CNTN5: variants seen among roughly 807,000 people sequenced by gnomAD.
CNTN5 encodes contactin-5.
A neutral mutation model predicts 129.1 loss-of-function variants in CNTN5; 77 were observed. That is an observed-to-expected ratio of 0.60 (90% CI 0.50 to 0.72). CNTN5 has a LOEUF of 0.72. Among genes scored for constraint, CNTN5 ranks in the 30% least tolerant of loss-of-function variants. CNTN5 has a pLI of 0.00. For missense variants in CNTN5, 1,478 were observed against 1,328.8 expected (o/e 1.11, Z -1.75); for synonymous variants, 509 against 465.6 (o/e 1.09, Z -1.20).
At chr11:100,237,909 A>C (rs549175050) in intron 16 of CNTN5, among the ~76,000 whole-genome samples, 1 of 152,274 alleles carries the variant, frequency 6.6e-6, no homozygotes, top group African/African-American at 2.4e-5. Context: ...AAACTTATGA[A>C]TCTGCTGGGG....
chr11:99,712,531 T>C (rs1293980125), intron 3 of CNTN5, among the ~76,000 whole-genome samples: 1 of 152,152 alleles, frequency 6.6e-6, no homozygotes, highest in East Asian at 1.9e-4. Flanking sequence ...GTTTTTGGTG[T>C]TTTAGTCATG....
chr11:99,275,197 T>TTA (rs534411257), intron 1 of CNTN5, among the ~76,000 whole-genome samples: 3 of 150,446 alleles, frequency 2.0e-5, no homozygotes, highest in African/African-American at 7.3e-5. Context: ...CATTGATATA[T>TTA]AAAAAAAAAC....
At chr11:99,166,066 C>T (rs1053500894) in intron 1 of CNTN5, among the ~76,000 whole-genome samples, 5 of 152,128 alleles carry the variant, frequency 3.3e-5, no homozygotes, top group African/African-American at 7.2e-5. Context: ...GAAAAATGAC[C>T]GCCTGAACTA....
intron 6 of CNTN5, among the ~76,000 whole-genome samples, chr11:99,852,601 C>T (rs778812920): frequency 2.0e-5 from 3 of 152,128 alleles, no homozygotes; most frequent in Non-Finnish European, 4.4e-5. Flanking sequence ...AATTCAAGTA[C>T]AACCAAACAG....
intron 2 of CNTN5, among the ~76,000 whole-genome samples, chr11:99,430,090 G>A (rs952658726): frequency 6.6e-6 from 1 of 152,074 alleles, no homozygotes; most frequent in Admixed American, 6.6e-5. Context: ...TCAAAAGAGG[G>A]GTGTGTGGCA....
intron 1 of CNTN5, among the ~76,000 whole-genome samples, chr11:99,068,745 C>T (rs114924606): frequency 1.2e-3 from 176 of 152,212 alleles, no homozygotes; most frequent in African/African-American, 3.9e-3. Flanking sequence ...GGCAGAGAAA[C>T]ATTAAAATTC....
At chr11:99,077,770 G>C (rs984003062) in intron 1 of CNTN5, among the ~76,000 whole-genome samples, 4 of 152,120 alleles carry the variant, frequency 2.6e-5, no homozygotes, top group African/African-American at 9.7e-5. Context: ...TGGTTTATAA[G>C]GGGCACTTCC....
At chr11:100,320,185 AG>A (rs1471290256) in intron 21 of CNTN5, among the ~76,000 whole-genome samples, 1 of 152,138 alleles carries the variant, frequency 6.6e-6, no homozygotes, top group Non-Finnish European at 1.5e-5. Context: ...ATGGAGTGCA[AG>A]GGTTCCCTTT....
At chr11:99,740,465 TAAGA>T (rs1257164527) in intron 3 of CNTN5, among the ~76,000 whole-genome samples, 4 of 151,222 alleles carry the variant, frequency 2.6e-5, no homozygotes, top group African/African-American at 9.9e-5. Context: ...GAAACTCAAG[TAAGA>T]AAGCAGGAAT....
At chr11:99,819,801 AAGG>A (rs1433298613) in intron 4 of CNTN5, 36 bp downstream of exon 4, 1 of 469,942 alleles carries the variant, frequency 2.1e-6, no homozygotes, top group African/African-American at 7.0e-5. Context: ...AGATAGAATA[AAGG>A]AGGCAAAGAA....
chr11:100,017,068 A>C (rs1452707088), intron 9 of CNTN5, among the ~76,000 whole-genome samples: 1 of 151,760 alleles, frequency 6.6e-6, no homozygotes, highest in Non-Finnish European at 1.5e-5. Context: ...TTTTATTCCC[A>C]CTTTTCTTTT....
intron 21 of CNTN5, chr11:100,337,145 C>T: frequency 4.2e-6 from 6 of 1,418,188 alleles, no homozygotes; most frequent in Non-Finnish European, 6.0e-6. Flanking sequence ...GATGACATGA[C>T]AGCTGCACCC....
chr11:99,967,485 G>A (rs1034413212), intron 8 of CNTN5, among the ~76,000 whole-genome samples: 2 of 152,130 alleles, frequency 1.3e-5, no homozygotes, highest in Non-Finnish European at 2.9e-5. Flanking sequence ...CACAGATTCT[G>A]TCTGTAACCG....
At chr11:99,404,000 G>T (rs142728147) in intron 2 of CNTN5, among the ~76,000 whole-genome samples, 1 of 152,130 alleles carries the variant, frequency 6.6e-6, no homozygotes, top group East Asian at 1.9e-4. Flanking sequence ...TCTGTATTTA[G>T]CTCTAAAAAT....
chr11:100,312,224 A>T (rs1445060500), intron 21 of CNTN5, among the ~76,000 whole-genome samples: 1 of 152,096 alleles, frequency 6.6e-6, no homozygotes, highest in Non-Finnish European at 1.5e-5. Flanking sequence ...GCTAAACATG[A>T]CATTAACTGT....
At chr11:99,940,578 C>T (rs1197754484) in intron 7 of CNTN5, among the ~76,000 whole-genome samples, 2 of 152,128 alleles carry the variant, frequency 1.3e-5, no homozygotes, top group African/African-American at 4.8e-5. Flanking sequence ...TCCCCTTAGT[C>T]ACCTTCTACA....
intron 1 of CNTN5, among the ~76,000 whole-genome samples, chr11:99,047,747 C>T (rs964431359): frequency 1.2e-4 from 19 of 152,032 alleles, no homozygotes; most frequent in African/African-American, 2.4e-4. Flanking sequence ...AATGATAGCA[C>T]GGACTGACAT....
At chr11:99,537,364 A>C (rs10893480) in intron 2 of CNTN5, among the ~76,000 whole-genome samples, 37,786 of 152,090 alleles carry the variant, frequency 0.25, 5,174 homozygotes, top group Non-Finnish European at 0.31. Context: ...ACAATTAGTA[A>C]CTAATACAAT....
intron 13 of CNTN5, among the ~76,000 whole-genome samples, chr11:100,127,698 A>G (rs1308979566): frequency 1.5e-4 from 17 of 116,632 alleles, no homozygotes; most frequent in African/African-American, 5.7e-4. Context: ...CTCTCTTGTC[A>G]CCCAGGCTGG....
Sources: gnomAD v4.1 joint callset for allele counts (sites outside exome capture counted in the v4.1 genomes callset) on GRCh38, gnomAD v4.1.1 for gene constraint, MANE v1.5 for transcripts, NCBI Gene and HGNC (gene_info 2026-07-23, HGNC 2026-07-21) for gene names.